UNK: variants seen among roughly 807,000 people sequenced by gnomAD.
The protein encoded by UNK is unk zinc finger.
A neutral mutation model predicts 97.6 loss-of-function variants in UNK; 32 were observed. The ratio of observed to expected loss-of-function variants is 0.33; its 90% CI spans 0.25 to 0.44. UNK has a LOEUF of 0.44. Among genes scored for constraint, UNK ranks in the 20% least tolerant of loss-of-function variants. The pLI is 1.00. For missense variants in UNK, 771 were observed against 1,098.4 expected, an observed-to-expected ratio of 0.70 and a Z score of 4.21; for synonymous variants, 441 against 461.2, an observed-to-expected ratio of 0.96 and a Z score of 0.56.
At chr17:75,810,116 A>G in intron 2 of UNK, 147 bp downstream of exon 2, 1 of 944,274 alleles carries the variant, frequency 1.1e-6, no homozygotes. Flanking sequence ...AGACCCCACC[A>G]TCCCTGGCGG....
intron 1 of UNK, among the ~76,000 whole-genome samples, chr17:75,807,856 T>C (rs2061933362): frequency 6.6e-6 from 1 of 152,156 alleles, no homozygotes; most frequent in Admixed American, 6.6e-5. Context: ...CCCAAAGTGC[T>C]AGGATTACAG....
chr17:75,796,544 C>A (rs146914503), intron 1 of UNK, among the ~76,000 whole-genome samples: 6 of 152,220 alleles, frequency 3.9e-5, no homozygotes, highest in Non-Finnish European at 8.8e-5. Context: ...CCAGGCTGGT[C>A]TGGAACTTCT....
chr17:75,821,814 G>T, intron 13 of UNK: 1 of 436,930 alleles, frequency 2.3e-6, no homozygotes. Flanking sequence ...GTGAGCAGAG[G>T]GCAGCTGGGT....
chr17:75,810,607 T>C (rs1228460917), intron 2 of UNK, among the ~76,000 whole-genome samples: 1 of 152,114 alleles, frequency 6.6e-6, no homozygotes, highest in Admixed American at 6.6e-5. Flanking sequence ...TTAGACAGGG[T>C]CTCCCTCTTT....
At chr17:75,793,596 CTGTGACAGCCTGTGACAG>C in intron 1 of UNK, 1 of 985,292 alleles carries the variant, frequency 1.0e-6, no homozygotes, top group Non-Finnish European at 1.2e-6. Flanking sequence ...ATACTGAGGC[CTGTGACAGCCTGTGACAG>C]TATCATCAAG....
rs1467167568 is a variant in UNK, at chr17:75,817,127, A to T, written c.1105-199A>T. ...GAGCCTGTGCTGATGAGCCTGTAGG[A>T]CTGGTGGCAGGGACAAAGCCTGAGG... On this transcript the variant is annotated intron_variant, in intron 8 of 15. Coordinates refer to ENST00000589666, the MANE Select transcript of UNK (RefSeq NM_001080419.3). The surrounding 1 kb of genome is among the most constrained non-coding windows in gnomAD (Gnocchi z 5.8). Among the ~76,000 whole-genome samples, 1 of 48,182 alleles carries T rather than the reference A, an allele frequency of 2.1e-5. No homozygotes were observed. The highest frequency in any genetic ancestry group is 3.1e-5 in the African/African-American group (1 of 31,812). 31.6% of individuals were successfully genotyped at this position (48,182 alleles called of 152,430 possible). A position where few individuals can be genotyped will look rare whatever the true frequency, so the allele number is the denominator to read the frequency against.
chr17:75,804,882 A>T (rs2061896394), intron 1 of UNK, among the ~76,000 whole-genome samples: 2 of 150,760 alleles, frequency 1.3e-5, no homozygotes, highest in Admixed American at 1.3e-4. Context: ...CATCTAAGAG[A>T]TGGATATCCT....
intron 1 of UNK, among the ~76,000 whole-genome samples, chr17:75,800,428 CAA>C (rs770889345): frequency 8.4e-4 from 127 of 150,652 alleles, no homozygotes; most frequent in African/African-American, 1.2e-3. Flanking sequence ...GTATGAATTT[CAA>C]AGAGTCCCTA....
intron 1 of UNK, among the ~76,000 whole-genome samples, chr17:75,789,475 T>A (rs2061743443): frequency 6.6e-6 from 1 of 151,868 alleles, no homozygotes; most frequent in South Asian, 2.1e-4. Flanking sequence ...TAGCTGGGAG[T>A]ACAGGCGCCC....
chr17:75,801,197 C>T (rs2061854658), intron 1 of UNK, among the ~76,000 whole-genome samples: 1 of 152,058 alleles, frequency 6.6e-6, no homozygotes, highest in African/African-American at 2.4e-5. Context: ...GCCACTGCAC[C>T]CAGCCAGCAT....
At chr17:75,791,591 A>G (rs915346511) in intron 1 of UNK, among the ~76,000 whole-genome samples, 1 of 152,234 alleles carries the variant, frequency 6.6e-6, no homozygotes, top group Non-Finnish European at 1.5e-5. Flanking sequence ...CAGGACAGAA[A>G]TTAGGAGCTC....
At position 75,812,515 on chromosome 17, in the gene UNK, G is replaced by T; in HGVS notation, c.552G>T (p.Glu184Asp). The change falls in exon 4 of 16, where the codon GAG becomes GAT. Residue 184 changes from glutamate to aspartate, a missense_variant. By Grantham distance (45) the Glu-to-Asp change is conservative. Around this residue, in one of 5 missense-constraint regions of UNK, gnomAD observed 246 missense variants for 440.7 expected, o/e 0.56. Coordinates refer to ENST00000589666, the MANE Select transcript of UNK (RefSeq NM_001080419.3). ...AGACCACGGTAGAGGGGAGCATAGA[G>T]GGCCAGTCGGCTGGGGCTGCGAGCC... The part of the protein sequence containing the change: ...NGQTTVEGSI[E>D]GQSAGAASHA... 1 of 1,612,824 alleles carries T rather than the reference G, an allele frequency of 6.2e-7. No individual in the cohort carries two copies. Among genetic ancestry groups the T allele is most frequent in the Non-Finnish European group, 8.5e-7 (1 of 1,179,782 alleles).
rs1405394784 is a variant in UNK, at chr17:75,784,919, C to T, written c.39C>T (p.Ser13=). 1.2e-5 allele frequency: 19 copies of T among 1,564,742 alleles called. No homozygotes were observed. Among genetic ancestry groups the T allele is most frequent in the Non-Finnish European group, 1.6e-5 (19 of 1,158,602 alleles). Residue 13 remains serine, a synonymous_variant, in exon 1 of 16, where the codon TCC becomes TCT. Coordinates refer to ENST00000589666, the MANE Select transcript of UNK (RefSeq NM_001080419.3). ...KGPGPGGSAA[S]SAPPAATAQV... Reference sequence around the variant, plus strand: ...CCGGGCCCGGCGGCTCCGCAGCTTCCTCGGCGCCCCCGGCCGCTACCGCTC... The same window carrying T: ...CCGGGCCCGGCGGCTCCGCAGCTTCTTCGGCGCCCCCGGCCGCTACCGCTC...
intron 1 of UNK, 191 bp downstream of exon 1, chr17:75,785,175 C>T (rs762037723): frequency 1.9e-6 from 1 of 517,624 alleles, no homozygotes; most frequent in East Asian, 3.5e-5. Context: ...TCTGGTCGGG[C>T]TGTGGGGCGG....
intron 1 of UNK, among the ~76,000 whole-genome samples, chr17:75,790,699 G>T (rs1346004602): frequency 6.6e-6 from 1 of 152,116 alleles, no homozygotes; most frequent in Non-Finnish European, 1.5e-5. Flanking sequence ...GGGAGGCCGA[G>T]GCGAGTGGAT....
intron 1 of UNK, chr17:75,791,911 T>C: frequency 5.1e-6 from 5 of 985,418 alleles, no homozygotes; most frequent in Non-Finnish European, 6.0e-6. Context: ...GGGCACACTC[T>C]ATAAAGGAGC....
intron 1 of UNK, among the ~76,000 whole-genome samples, chr17:75,804,975 C>T (rs1237407834): frequency 2.0e-5 from 3 of 151,448 alleles, no homozygotes; most frequent in East Asian, 2.0e-4. Context: ...GGGTGGATCA[C>T]GAGGTCAGGA....
intron 2 of UNK, among the ~76,000 whole-genome samples, chr17:75,811,322 C>T (rs55991250): frequency 0.13 from 20,216 of 152,102 alleles, 1,443 homozygotes; most frequent in Non-Finnish European, 0.15. Flanking sequence ...CCAGGCTGGT[C>T]TCAAATTCCT....
At chr17:75,789,871 A>G (rs923758428) in intron 1 of UNK, among the ~76,000 whole-genome samples, 4 of 152,102 alleles carry the variant, frequency 2.6e-5, no homozygotes, top group Non-Finnish European at 5.9e-5. Context: ...AGCAGGGCGT[A>G]GTAGCTCACA....
Sources: gnomAD v4.1 joint callset for allele counts (sites outside exome capture counted in the v4.1 genomes callset) on GRCh38, gnomAD v4.1.1 for gene constraint, gnomAD v4.1.1 regional missense constraint, Gnocchi (gnomAD v3.1) non-coding constraint, MANE v1.5 for transcripts, NCBI Gene and HGNC (gene_info 2026-07-23, HGNC 2026-07-21) for gene names.